SORCS3: variants seen among roughly 807,000 people sequenced by gnomAD.
SORCS3 encodes the protein sortilin related VPS10 domain containing receptor 3.
In SORCS3, 57 loss-of-function variants were observed where a neutral mutation model predicts 146.3. The ratio of observed to expected loss-of-function variants is 0.39; its 90% CI spans 0.31 to 0.49. The LOEUF is 0.49. Among genes scored for constraint, SORCS3 ranks in the 20% least tolerant of loss-of-function variants. SORCS3 has a pLI of 0.92. For synonymous variants in SORCS3, 653 were observed against 618.5 expected, an observed-to-expected ratio of 1.06 and a Z score of -0.83; for missense variants, 1,341 against 1,575.5, an observed-to-expected ratio of 0.85 and a Z score of 2.52.
At chr10:104,868,533 T>C (rs2018484544) in intron 2 of SORCS3, among the ~76,000 whole-genome samples, 1 of 152,246 alleles carries the variant, frequency 6.6e-6, no homozygotes, top group Non-Finnish European at 1.5e-5. Flanking sequence ...TCCATACTCA[T>C]GGCTTCCAGG....
At chr10:105,209,035 G>A (rs11192363) in intron 16 of SORCS3, among the ~76,000 whole-genome samples, 49,162 of 152,044 alleles carry the variant, frequency 0.32, 8,047 homozygotes, top group South Asian at 0.44. Flanking sequence ...ACAGGAATCT[G>A]TTGGGCACTT....
intron 8 of SORCS3, among the ~76,000 whole-genome samples, chr10:105,145,875 A>G (rs1309388186): frequency 6.7e-6 from 1 of 150,114 alleles, no homozygotes; most frequent in Non-Finnish European, 1.5e-5. Context: ...TACTTCTCTC[A>G]TCTCCAGGTT....
At chr10:105,034,888 A>G (rs1051023267) in intron 4 of SORCS3, among the ~76,000 whole-genome samples, 9 of 152,190 alleles carry the variant, frequency 5.9e-5, no homozygotes, top group African/African-American at 1.9e-4. Context: ...CCCTGCCCAT[A>G]CAGTATCTCT....
chr10:104,796,023 G>A (rs955143389), intron 1 of SORCS3, among the ~76,000 whole-genome samples: 1 of 152,208 alleles, frequency 6.6e-6, no homozygotes, highest in Non-Finnish European at 1.5e-5. Context: ...GCTGTCATGT[G>A]TCTTTGGCTG....
rs748691155 is a variant in SORCS3 at position 105,245,674 on chromosome 10, T to C, written c.2992+9T>C. The C allele has an allele frequency of 6.2e-7, 1 of 1,613,652 alleles. No individual in the cohort carries two copies. On this transcript the variant is annotated intron_variant, in intron 21 of 26. Coordinates refer to ENST00000369701, the MANE Select transcript of SORCS3 (RefSeq NM_014978.3). ...AGAGATTGCAGTTCATGGTAAGCCC[T>C]GAAAATTGTTCTGTGATGCTCCTTC...
At chr10:105,178,226 T>C in intron 14 of SORCS3, 53 bp downstream of exon 14, 1 of 1,422,032 alleles carries the variant, frequency 7.0e-7, no homozygotes, top group Non-Finnish European at 9.7e-7. Context: ...CTGGTTCTAC[T>C]TTCATTGAGG....
chr10:104,817,305 G>A (rs2017808479), intron 1 of SORCS3, among the ~76,000 whole-genome samples: 1 of 151,720 alleles, frequency 6.6e-6, no homozygotes, highest in South Asian at 2.1e-4. Context: ...AATCATAGGA[G>A]TCACTGTTTT....
chr10:104,880,699 G>A (rs1227924107), intron 2 of SORCS3, among the ~76,000 whole-genome samples: 2 of 152,074 alleles, frequency 1.3e-5, no homozygotes, highest in Non-Finnish European at 2.9e-5. Context: ...AACATTTCAA[G>A]TACATTATCC....
intron 20 of SORCS3, 82 bp from the exon 21 acceptor site, chr10:105,245,460 T>G: frequency 6.6e-7 from 1 of 1,517,924 alleles, no homozygotes; most frequent in Non-Finnish European, 9.0e-7. Flanking sequence ...CAAGTTAGGA[T>G]GACAGTCTGA....
intron 20 of SORCS3, among the ~76,000 whole-genome samples, chr10:105,237,856 TG>T (rs2056801698): frequency 6.6e-6 from 1 of 152,222 alleles, no homozygotes; most frequent in Non-Finnish European, 1.5e-5. Flanking sequence ...GAAATAACCT[TG>T]GAAGGTGATG....
At chr10:105,091,736 C>A (rs1475532101) in intron 6 of SORCS3, among the ~76,000 whole-genome samples, 1 of 152,068 alleles carries the variant, frequency 6.6e-6, no homozygotes, top group African/African-American at 2.4e-5. Flanking sequence ...GGTGGTGGAG[C>A]CTGGATTCAA....
intron 1 of SORCS3, among the ~76,000 whole-genome samples, chr10:104,829,368 T>C (rs2017976231): frequency 6.6e-6 from 1 of 152,076 alleles, no homozygotes; most frequent in Non-Finnish European, 1.5e-5. Flanking sequence ...AGTGTTGATA[T>C]TTGAGCTGAA....
chr10:104,731,901 C>A (rs186853573), intron 1 of SORCS3, among the ~76,000 whole-genome samples: 1 of 152,216 alleles, frequency 6.6e-6, no homozygotes, highest in South Asian at 2.1e-4. Flanking sequence ...ATCCCACCTT[C>A]CAGCTATGGG....
intron 2 of SORCS3, among the ~76,000 whole-genome samples, chr10:104,862,194 G>T (rs1226761411): frequency 6.6e-6 from 1 of 152,186 alleles, no homozygotes; most frequent in Non-Finnish European, 1.5e-5. Context: ...ATGAGGAAGA[G>T]TTAACCGGGA....
chr10:105,243,937 G>A (rs1164943074), intron 20 of SORCS3, among the ~76,000 whole-genome samples: 1 of 152,140 alleles, frequency 6.6e-6, no homozygotes, highest in African/African-American at 2.4e-5. Context: ...ATGCATCCAA[G>A]CCATACATGG....
At chr10:104,651,649 T>C (rs1462458115) in intron 1 of SORCS3, among the ~76,000 whole-genome samples, 1 of 151,250 alleles carries the variant, frequency 6.6e-6, no homozygotes, top group African/African-American at 2.4e-5. Flanking sequence ...GGGGTTGCAG[T>C]GAGCCAAGAT....
chr10:105,215,367 T>C (rs2056658950), intron 18 of SORCS3, among the ~76,000 whole-genome samples: 1 of 152,232 alleles, frequency 6.6e-6, no homozygotes, highest in African/African-American at 2.4e-5. Flanking sequence ...CAAATTGCTC[T>C]GTGCTCTTGA....
intron 1 of SORCS3, among the ~76,000 whole-genome samples, chr10:104,735,181 G>C (rs748348801): frequency 1.3e-5 from 2 of 152,100 alleles, no homozygotes; most frequent in African/African-American, 4.8e-5. Context: ...GGTGACTGTC[G>C]GCTGGGCAGG....
At chr10:105,002,475 C>T (rs955682961) in intron 4 of SORCS3, among the ~76,000 whole-genome samples, 2 of 151,986 alleles carry the variant, frequency 1.3e-5, no homozygotes, top group Non-Finnish European at 2.9e-5. Context: ...GGCACTGAGC[C>T]GGGGTATAAG....
Sources: allele counts gnomAD v4.1 joint callset (sites outside exome capture counted in the v4.1 genomes callset), GRCh38; gene constraint gnomAD v4.1.1; transcripts MANE v1.5; gene names NCBI Gene and HGNC (gene_info 2026-07-23, HGNC 2026-07-21).